Variants in ZBTB7C observed in about 807,000 individuals in gnomAD.
ZBTB7C encodes the protein zinc finger and BTB domain-containing protein 7C.
In ZBTB7C, 8 loss-of-function variants were observed where a neutral mutation model predicts 25.7. The ratio of observed to expected loss-of-function variants is 0.31; its 90% confidence interval spans 0.18 to 0.56. The LOEUF (loss-of-function observed/expected upper bound fraction) is 0.56. ZBTB7C is among the 20% of genes least tolerant of loss of function. The pLI is 0.91. For synonymous variants in ZBTB7C, 394 were observed against 369.0 expected, an observed-to-expected ratio of 1.07 and a Z score of -0.78; for missense variants, 824 against 855.2, an observed-to-expected ratio of 0.96 and a Z score of 0.46.
intron 3 of ZBTB7C, among the ~76,000 whole-genome samples, chr18:48,046,762 C>T (rs916313957): frequency 2.6e-4 from 40 of 152,324 alleles, no homozygotes; most frequent in African/African-American, 8.9e-4. Flanking sequence ...CTACTTGCGA[C>T]TCACAATCAG....
intron 3 of ZBTB7C, among the ~76,000 whole-genome samples, chr18:48,158,715 G>C (rs1165664211): frequency 6.6e-6 from 1 of 152,136 alleles, no homozygotes; most frequent in African/African-American, 2.4e-5. Context: ...CTATGTTCTT[G>C]GCTCAGCCCT....
At chr18:48,078,189 G>A (rs1328449676) in intron 3 of ZBTB7C, among the ~76,000 whole-genome samples, 1 of 152,140 alleles carries the variant, frequency 6.6e-6, no homozygotes, top group Non-Finnish European at 1.5e-5. Context: ...CACTCATTCA[G>A]TTACACAACA....
chr18:48,318,296 A>G (rs1228116721), intron 2 of ZBTB7C, among the ~76,000 whole-genome samples: 1 of 151,930 alleles, frequency 6.6e-6, no homozygotes, highest in African/African-American at 2.4e-5. Flanking sequence ...CTCCCATAGG[A>G]CTGGTTGGGA....
At chr18:48,138,334 A>G (rs2040236545) in intron 3 of ZBTB7C, among the ~76,000 whole-genome samples, 1 of 152,178 alleles carries the variant, frequency 6.6e-6, no homozygotes, top group Non-Finnish European at 1.5e-5. Context: ...TGAAATTCCA[A>G]TGTTAGAGAT....
chr18:48,337,556 C>T (rs9954813), intron 2 of ZBTB7C, among the ~76,000 whole-genome samples: 1 of 152,222 alleles, frequency 6.6e-6, no homozygotes, highest in South Asian at 2.1e-4. Context: ...ATCTGACAGG[C>T]CCCTACTGTC....
chr18:48,194,768 C>T (rs1272245481), intron 2 of ZBTB7C, among the ~76,000 whole-genome samples: 2 of 151,914 alleles, frequency 1.3e-5, no homozygotes, highest in Non-Finnish European at 1.5e-5. Flanking sequence ...CAAATGCCCG[C>T]CAGCTGACTC....
At chr18:48,093,788 G>A (rs2038512854) in intron 3 of ZBTB7C, among the ~76,000 whole-genome samples, 1 of 152,190 alleles carries the variant, frequency 6.6e-6, no homozygotes, top group Non-Finnish European at 1.5e-5. Context: ...AGGCGCGGTG[G>A]CTCACGCCTG....
At chr18:48,056,996 G>A (rs1278205469) in intron 3 of ZBTB7C, among the ~76,000 whole-genome samples, 1 of 134,792 alleles carries the variant, frequency 7.4e-6, no homozygotes, top group Non-Finnish European at 1.5e-5. Context: ...TATATAGAGA[G>A]AGACCATGTG....
At position 48,332,394 on chromosome 18, in the gene ZBTB7C, C is replaced by T. The variant is rs1397211246; in HGVS notation, c.-79+5780G>A. Among the ~76,000 whole-genome samples, 3 of 152,146 alleles carry T rather than the reference C, an allele frequency of 2.0e-5. No individual in the cohort carries two copies. In the East Asian group the frequency reaches 5.8e-4, roughly 29 times the overall value. ...AAAACATTATGGTCGGTGCAGTGTCCTCCCTTTCACATGGCAGCTGGCTGT... is the reference window on the plus strand; with the variant it reads ...AAAACATTATGGTCGGTGCAGTGTCTTCCCTTTCACATGGCAGCTGGCTGT... On this transcript the variant is annotated intron_variant, in intron 2 of 4. Transcript: ENST00000590800.
intron 1 of ZBTB7C, among the ~76,000 whole-genome samples, chr18:48,390,477 A>T (rs1599024182): frequency 6.6e-6 from 1 of 152,252 alleles, no homozygotes; most frequent in African/African-American, 2.4e-5. Context: ...TCAAAGGTAT[A>T]AATAAAATGC....
chr18:48,094,624 T>C (rs2038547734), intron 3 of ZBTB7C, among the ~76,000 whole-genome samples: 1 of 152,172 alleles, frequency 6.6e-6, no homozygotes, highest in African/African-American at 2.4e-5. Context: ...CATTTTTTTT[T>C]CTCCCTTTTC....
chr18:48,093,374 G>T (rs1271156320), intron 3 of ZBTB7C, among the ~76,000 whole-genome samples: 2 of 152,254 alleles, frequency 1.3e-5, no homozygotes, highest in African/African-American at 4.8e-5. Context: ...GCAGAGCAGG[G>T]AAGATATCTG....
At chr18:48,087,851 G>GT (rs1422684738) in intron 3 of ZBTB7C, 2 of 114,244 alleles carry the variant, frequency 1.8e-5, no homozygotes, top group African/African-American at 6.7e-5. Context: ...AGTGGGTGGG[G>GT]GGGGGGGGCA....
intron 3 of ZBTB7C, among the ~76,000 whole-genome samples, chr18:48,099,915 C>T (rs1396237712): frequency 6.6e-6 from 1 of 152,198 alleles, no homozygotes; most frequent in Non-Finnish European, 1.5e-5. Flanking sequence ...AACACAGTTC[C>T]CTTTTAAATG....
At chr18:48,302,175 C>A (rs1055949746) in intron 2 of ZBTB7C, among the ~76,000 whole-genome samples, 5 of 152,158 alleles carry the variant, frequency 3.3e-5, no homozygotes, top group Admixed American at 6.5e-5. Context: ...GTGCAGAAGC[C>A]CCAGTCCCTT....
chr18:48,375,972 G>A (rs1383811584), intron 1 of ZBTB7C, among the ~76,000 whole-genome samples: 2 of 152,190 alleles, frequency 1.3e-5, no homozygotes, highest in South Asian at 2.1e-4. Context: ...TAAGAGCAGT[G>A]TTTCTCAAAT....
intron 3 of ZBTB7C, among the ~76,000 whole-genome samples, chr18:48,092,100 C>T (rs1461251309): frequency 3.3e-5 from 5 of 152,204 alleles, no homozygotes; most frequent in Non-Finnish European, 7.3e-5. Flanking sequence ...ACCATCCACC[C>T]AATCAGCCCA....
intron 3 of ZBTB7C, among the ~76,000 whole-genome samples, chr18:48,060,191 G>A (rs2037074686): frequency 6.6e-6 from 1 of 152,134 alleles, no homozygotes; most frequent in South Asian, 2.1e-4. Flanking sequence ...GGTCAAATGA[G>A]AGGAATTTTT....
chr18:48,184,904 T>C (rs1360829524), intron 3 of ZBTB7C, among the ~76,000 whole-genome samples: 1 of 152,158 alleles, frequency 6.6e-6, no homozygotes, highest in Non-Finnish European at 1.5e-5. Flanking sequence ...AGATTTCCTA[T>C]AATCTACTCA....
Sources: gnomAD v4.1 joint callset for allele counts (sites outside exome capture counted in the v4.1 genomes callset) on GRCh38, gnomAD v4.1.1 for gene constraint, MANE v1.5 for transcripts, NCBI Gene and HGNC (gene_info 2026-07-23, HGNC 2026-07-21) for gene names.